SLC9A2: variants seen among roughly 807,000 people sequenced by gnomAD.
SLC9A2 encodes the protein sodium/hydrogen exchanger 2.
Under a neutral mutation model 71.7 loss-of-function variants are expected in SLC9A2, and 42 were observed. The observed-to-expected ratio is 0.59, with a 90% CI of 0.46 to 0.76. SLC9A2 has a LOEUF of 0.76. SLC9A2 is among the 30% of genes least tolerant of loss of function. SLC9A2 has a pLI of 0.00. For missense variants in SLC9A2, 829 were observed against 1,017.4 expected, an observed-to-expected ratio of 0.81 and a Z score of 2.52; for synonymous variants, 396 against 392.5, an observed-to-expected ratio of 1.01 and a Z score of -0.10.
chr2:102,688,239 G>A (rs896753224), intron 5 of SLC9A2, among the ~76,000 whole-genome samples: 7 of 152,022 alleles, frequency 4.6e-5, no homozygotes, highest in African/African-American at 1.2e-4. Context: ...GTTACATAAA[G>A]TGCAGTTTTA....
intron 11 of SLC9A2, among the ~76,000 whole-genome samples, chr2:102,707,376 G>A (rs1298425159): frequency 6.7e-6 from 1 of 149,844 alleles, no homozygotes; most frequent in Non-Finnish European, 1.5e-5. Flanking sequence ...TGGTAAAGGA[G>A]TGTGAGGTGA....
chr2:102,669,752 C>T (rs966187545), intron 3 of SLC9A2, among the ~76,000 whole-genome samples: 5 of 152,190 alleles, frequency 3.3e-5, no homozygotes, highest in Non-Finnish European at 7.3e-5. Context: ...TACCCAAGGA[C>T]ACTAACAGTT....
intron 2 of SLC9A2, among the ~76,000 whole-genome samples, chr2:102,658,457 A>C (rs1251128284): frequency 6.6e-6 from 1 of 152,008 alleles, no homozygotes. Context: ...TAATACTGTC[A>C]GTATCCAATG....
intron 1 of SLC9A2, among the ~76,000 whole-genome samples, chr2:102,629,266 C>T (rs1361676318): frequency 6.6e-6 from 1 of 152,046 alleles, no homozygotes; most frequent in Non-Finnish European, 1.5e-5. Context: ...TGAGTTCTTC[C>T]TTTAATTATT....
intron 3 of SLC9A2, among the ~76,000 whole-genome samples, chr2:102,678,415 T>C (rs528965956): frequency 6.6e-6 from 1 of 152,060 alleles, no homozygotes; most frequent in South Asian, 2.1e-4. Flanking sequence ...AGTAAGGATG[T>C]ACTAGGAATA....
intron 3 of SLC9A2, among the ~76,000 whole-genome samples, chr2:102,676,121 C>T (rs1243609024): frequency 2.0e-5 from 3 of 152,226 alleles, no homozygotes; most frequent in Admixed American, 6.5e-5. Flanking sequence ...TCATGTAGAA[C>T]CACAAAGTAT....
intron 3 of SLC9A2, among the ~76,000 whole-genome samples, chr2:102,666,972 G>A (rs955576624): frequency 6.6e-5 from 10 of 152,146 alleles, no homozygotes; most frequent in Admixed American, 6.5e-4. Flanking sequence ...TTGATTGGGG[G>A]CTAGTTTGAC....
At chr2:102,644,878 C>G (rs1168106140) in intron 1 of SLC9A2, among the ~76,000 whole-genome samples, 1 of 152,228 alleles carries the variant, frequency 6.6e-6, no homozygotes, top group East Asian at 1.9e-4. Flanking sequence ...ATAGCTTCAG[C>G]AGACTTAAAC....
chr2:102,690,070 A>G (rs1284066815), intron 5 of SLC9A2, among the ~76,000 whole-genome samples: 1 of 152,210 alleles, frequency 6.6e-6, no homozygotes, highest in Non-Finnish European at 1.5e-5. Flanking sequence ...GGGTATAAAC[A>G]TAGAAAGAAT....
chr2:102,695,789 T>TATAA (rs1491564116), intron 7 of SLC9A2, among the ~76,000 whole-genome samples: 54 of 37,110 alleles, frequency 1.5e-3, no homozygotes, highest in Middle Eastern at 0.012. Context: ...TATATATATA[T>TATAA]TATATATATA....
intron 3 of SLC9A2, among the ~76,000 whole-genome samples, chr2:102,668,088 TA>T (rs200229975): frequency 1.0e-4 from 15 of 146,262 alleles, no homozygotes; most frequent in African/African-American, 1.8e-4. Flanking sequence ...AACTAAAAAA[TA>T]AAAAAAAAAC....
intron 1 of SLC9A2, among the ~76,000 whole-genome samples, chr2:102,621,139 GC>G (rs1375788595): frequency 8.5e-5 from 13 of 152,150 alleles, no homozygotes; most frequent in African/African-American, 2.9e-4. Flanking sequence ...GGGCAACAAA[GC>G]AAGACTCTGT....
In SLC9A2 at chr2:102,632,086, A is replaced by C. The variant is rs547349785; in HGVS notation, c.289+11949A>C. On this transcript the variant is annotated intron_variant, in intron 1 of 11. Coordinates refer to ENST00000233969, the MANE Select transcript of SLC9A2 (RefSeq NM_003048.6). The stretch of plus-strand genomic sequence containing the variant: ...CACACACATATATATACACACATAT[A>C]TATACACATATATATACATATATAT... Among the ~76,000 whole-genome samples, 129 of 133,860 alleles carry C rather than the reference A, an allele frequency of 9.6e-4. 3 individuals are homozygous for C. Among genetic ancestry groups the C allele is most frequent in the African/African-American group, 3.7e-3 (124 of 33,754 alleles). The allele number at this position is 133,860 out of a possible 152,430, so 87.8% of individuals were successfully genotyped here. A position where few individuals can be genotyped will look rare whatever the true frequency, so the allele number is the denominator to read the frequency against.
intron 1 of SLC9A2, among the ~76,000 whole-genome samples, chr2:102,621,057 T>C (rs1165947402): frequency 2.0e-5 from 3 of 151,630 alleles, no homozygotes; most frequent in Non-Finnish European, 4.4e-5. Context: ...CTCGGGAGGC[T>C]GAGGGAGGGA....
At chr2:102,692,617 A>G (rs1217336636) in intron 5 of SLC9A2, among the ~76,000 whole-genome samples, 2 of 152,116 alleles carry the variant, frequency 1.3e-5, no homozygotes, top group East Asian at 3.9e-4. Flanking sequence ...TACTTTAAGT[A>G]TATTTACTGA....
At chr2:102,624,548 A>T (rs1398475601) in intron 1 of SLC9A2, among the ~76,000 whole-genome samples, 1 of 152,116 alleles carries the variant, frequency 6.6e-6, no homozygotes, top group Non-Finnish European at 1.5e-5. Context: ...TTTCTTCTCA[A>T]GGTTTAAGGA....
At chr2:102,631,999 T>C (rs112306683) in intron 1 of SLC9A2, among the ~76,000 whole-genome samples, 41 of 20,322 alleles carry the variant, frequency 2.0e-3, no homozygotes, top group African/African-American at 7.6e-3. Context: ...AGTGGGGATA[T>C]ATATATATAT....
chr2:102,651,073 T>C (rs930414883), intron 1 of SLC9A2, among the ~76,000 whole-genome samples: 12 of 152,302 alleles, frequency 7.9e-5, no homozygotes, highest in Admixed American at 3.3e-4. Context: ...CTGTCTCACA[T>C]CCTTTATCCA....
At chr2:102,665,664 C>T (rs1389754590) in intron 3 of SLC9A2, among the ~76,000 whole-genome samples, 1 of 145,528 alleles carries the variant, frequency 6.9e-6, no homozygotes, top group Admixed American at 7.2e-5. Context: ...GTCCCAGCTA[C>T]TCGGGAGGCT....
Sources: allele counts gnomAD v4.1 joint callset (sites outside exome capture counted in the v4.1 genomes callset), GRCh38; gene constraint gnomAD v4.1.1; transcripts MANE v1.5; gene names NCBI Gene and HGNC (gene_info 2026-07-23, HGNC 2026-07-21).